Variants in SLC5A12 observed in about 807,000 individuals in gnomAD.
SLC5A12 encodes the protein sodium-coupled monocarboxylate transporter 2.
In SLC5A12, 46 loss-of-function variants were observed where a neutral mutation model predicts 72.7. The observed-to-expected ratio is 0.63, with a 90% CI of 0.50 to 0.81. The LOEUF (loss-of-function observed/expected upper bound fraction) is 0.81, where lower values mean the gene tolerates loss of function less well. SLC5A12 is among the 30% of genes least tolerant of loss of function. The probability of loss-of-function intolerance (pLI) is 0.00; values close to 1 mark genes in which losing one functional copy is unlikely to be tolerated. For synonymous variants in SLC5A12, 275 were observed against 264.4 expected (o/e 1.04, Z -0.39); for missense variants, 683 against 740.7 (o/e 0.92, Z 0.90).
rs1337265009 is a variant in SLC5A12, at chr11:26,721,827, C to G, written c.-113G>C. 2.1e-5 allele frequency: 19 copies of G among 912,474 alleles called. 1 individual carries two copies. In the East Asian group the frequency reaches 4.6e-4, roughly 22 times the overall value. The allele number at this position is 912,474 out of a possible 1,614,324, so 56.5% of individuals were successfully genotyped here. On this transcript the variant is annotated 5_prime_UTR_variant, in exon 1 of 15. Coordinates refer to ENST00000396005, the MANE Select transcript of SLC5A12 (RefSeq NM_178498.4). ...TTTGCTGAGAGGAGAGACTGTGATTCCCTGAAGAAAATGATTACCAGAGGC... is the reference window on the plus strand; with the variant it reads ...TTTGCTGAGAGGAGAGACTGTGATTGCCTGAAGAAAATGATTACCAGAGGC...
intron 1 of SLC5A12, among the ~76,000 whole-genome samples, chr11:26,719,067 G>A (rs896600573): frequency 1.3e-5 from 2 of 152,146 alleles, no homozygotes; most frequent in African/African-American, 4.8e-5. Flanking sequence ...TGGTTTAGTT[G>A]TTTTTGCAGT....
Position 26,701,852 on chromosome 11 carries a change from C to T in SLC5A12, c.821+1679G>A, listed in dbSNP as rs953633541. On this transcript the variant is annotated intron_variant, in intron 6 of 14. Transcript: ENST00000396005. ...TACATACACACAAGCATGGCCTTCT[C>T]GAGGCATTACTTTGTTTAATAAGCG... 4.6e-5 allele frequency among the ~76,000 whole-genome samples: 7 copies of T among 152,086 alleles called. No homozygotes were observed. The East Asian group carries it at 1.2e-3, about 25-fold the overall frequency.
intron 12 of SLC5A12, among the ~76,000 whole-genome samples, chr11:26,679,767 C>T (rs902847956): frequency 1.3e-5 from 2 of 152,012 alleles, no homozygotes; most frequent in African/African-American, 2.4e-5. Context: ...TTAAGTTTGG[C>T]AGGTATTTAG....
At chr11:26,697,306 G>C (rs1222769889) in intron 7 of SLC5A12, 54 bp from the exon 8 acceptor site, 17 of 1,493,896 alleles carry the variant, frequency 1.1e-5, no homozygotes, top group Non-Finnish European at 1.2e-5. Context: ...AGAAAGAAAA[G>C]AAAAGAGAAG....
chr11:26,695,003 T>C (rs1854775099), intron 8 of SLC5A12, among the ~76,000 whole-genome samples: 1 of 151,886 alleles, frequency 6.6e-6, no homozygotes, highest in African/African-American at 2.4e-5. Flanking sequence ...AGAATAAACA[T>C]AGAAATGCAT....
rs769344548 is a variant in SLC5A12, at chr11:26,721,369, A to G, written c.339+7T>C. 45 of 1,577,908 alleles carry G rather than the reference A, an allele frequency of 2.9e-5. No individual in the cohort carries two copies. Among genetic ancestry groups the G allele is most frequent in the Non-Finnish European group, 1.6e-5 (19 of 1,162,414 alleles). ...AAAATTAGAGAAGAATGGAGAAATC[A>G]TCTTACCTCATAAGTGCTGGTGATA... On this transcript the variant is annotated splice_region_variant and intron_variant, in intron 1 of 14. Coordinates refer to ENST00000396005, the MANE Select transcript of SLC5A12 (RefSeq NM_178498.4).
At chr11:26,717,286 A>G (rs1328294150) in intron 1 of SLC5A12, among the ~76,000 whole-genome samples, 2 of 152,160 alleles carry the variant, frequency 1.3e-5, no homozygotes, top group Non-Finnish European at 2.9e-5. Context: ...GAAGAGAAGT[A>G]AGTAGTTCAG....
At chr11:26,710,349 A>C (rs1855194085) in intron 3 of SLC5A12, among the ~76,000 whole-genome samples, 1 of 152,194 alleles carries the variant, frequency 6.6e-6, no homozygotes, top group African/African-American at 2.4e-5. Flanking sequence ...TCTTTATAAC[A>C]GAATGATTAT....
chr11:26,672,565 C>G (rs1490830060), intron 14 of SLC5A12, among the ~76,000 whole-genome samples: 1 of 152,034 alleles, frequency 6.6e-6, no homozygotes, highest in Non-Finnish European at 1.5e-5. Flanking sequence ...CCCATAGACC[C>G]CTTTAAGAAT....
chr11:26,683,933 T>C (rs552151325), intron 10 of SLC5A12, 90 bp from the exon 11 acceptor site: 24 of 1,003,276 alleles, frequency 2.4e-5, no homozygotes, highest in Middle Eastern at 3.1e-4. Flanking sequence ...TGGGATAATA[T>C]TGGGTCCTAG....
chr11:26,674,366 C>T (rs1200085601), intron 13 of SLC5A12, among the ~76,000 whole-genome samples: 1 of 127,664 alleles, frequency 7.8e-6, no homozygotes, highest in Non-Finnish European at 1.7e-5. Context: ...TCTCAAACTG[C>T]TTTCTAGAGA....
At chr11:26,714,845 C>T (rs1353678469) in intron 1 of SLC5A12, among the ~76,000 whole-genome samples, 1 of 152,042 alleles carries the variant, frequency 6.6e-6, no homozygotes, top group Non-Finnish European at 1.5e-5. Flanking sequence ...GCCAGATTCT[C>T]CCAAACCTGA....
intron 8 of SLC5A12, 52 bp from the exon 9 acceptor site, chr11:26,692,653 A>G: frequency 7.7e-7 from 1 of 1,305,476 alleles, no homozygotes; most frequent in Non-Finnish European, 1.1e-6. Context: ...AGGCGGAGCT[A>G]CCAGCCTGCC....
At chr11:26,709,566 T>C (rs1393633348) in intron 3 of SLC5A12, among the ~76,000 whole-genome samples, 187 bp from the exon 4 acceptor site, 4 of 152,146 alleles carry the variant, frequency 2.6e-5, no homozygotes, top group Non-Finnish European at 5.9e-5. Context: ...ATTTTTATAC[T>C]TCTATCTAGT....
chr11:26,703,541 G>A lies in SLC5A12; in HGVS notation c.811C>T (p.His271Tyr), dbSNP rs201117122. Reference sequence around the variant, plus strand: ...TGACTGAGAACTTACAGCTTAGCATGCTTTTCTGTTTTGCAAGAGATGCAT... The same window carrying A: ...TGACTGAGAACTTACAGCTTAGCATACTTTTCTGTTTTGCAAGAGATGCAT... ...QRCISCKTEK[H>Y]AKLALYFNLL... Residue 271 changes from histidine (H) to tyrosine (Y), a missense_variant, in exon 6 of 15, where the codon CAT becomes TAT. His to Tyr is a moderately conservative substitution (Grantham distance 83). Transcript: ENST00000396005. 8.7e-6 allele frequency: 14 copies of A among 1,613,366 alleles called. No individual in the cohort carries two copies. The South Asian group carries it at 1.4e-4, about 16-fold the overall frequency.
At chr11:26,720,349 A>ATAAATAAATAAG (rs754461608) in intron 1 of SLC5A12, among the ~76,000 whole-genome samples, 34 of 150,860 alleles carry the variant, frequency 2.3e-4, no homozygotes, top group African/African-American at 7.0e-4. Context: ...AAATAAATAA[A>ATAAATAAATAAG]TAAGTAAATA....
intron 4 of SLC5A12, among the ~76,000 whole-genome samples, chr11:26,707,935 T>C (rs1855129016): frequency 6.6e-6 from 1 of 151,952 alleles, no homozygotes; most frequent in African/African-American, 2.4e-5. Context: ...AGTAAAACCA[T>C]GCCAGCTCCC....
At position 26,669,187 on chromosome 11, in the gene SLC5A12, T is replaced by TTTCTCTGTCTTTCTTTCTTTCTTTC; in HGVS notation, c.*1914_*1915insGAAAGAAAGAAAGAAAGACAGAGAA. On this transcript the variant is annotated 3_prime_UTR_variant, in exon 15 of 15. Coordinates refer to ENST00000396005, the MANE Select transcript of SLC5A12 (RefSeq NM_178498.4). ...TGTCTTTTTCTTTCTTTCTTTCTTC[T>TTTCTCTGTCTTTCTTTCTTTCTTTC]TTTCTTTCTTTCTTTCTTTCTTTCT... is the stretch of plus-strand genomic sequence containing the variant. 9.0e-6 allele frequency: 1 copy of TTTCTCTGTCTTTCTTTCTTTCTTTC among 111,004 alleles called. No individual in the cohort carries two copies. The highest frequency in any genetic ancestry group is 2.8e-4 in the South Asian group (1 of 3,546). The allele number at this position is 111,004 out of a possible 1,614,324, so 6.9% of individuals were successfully genotyped here.
chr11:26,684,232 T>C (rs993525719), intron 10 of SLC5A12, among the ~76,000 whole-genome samples: 3 of 152,128 alleles, frequency 2.0e-5, no homozygotes, highest in African/African-American at 4.8e-5. Context: ...CAATGCATGA[T>C]TGTTTTTTCC....
Sources: allele counts gnomAD v4.1 joint callset (sites outside exome capture counted in the v4.1 genomes callset), GRCh38; gene constraint gnomAD v4.1.1; transcripts MANE v1.5; gene names NCBI Gene and HGNC (gene_info 2026-07-23, HGNC 2026-07-21).